DPP6: variants seen among roughly 807,000 people sequenced by gnomAD.
DPP6 encodes A-type potassium channel modulatory protein DPP6.
DPP6 carries 69 observed loss-of-function variants against 122.6 expected under a neutral mutation model. The observed-to-expected ratio is 0.56, with a 90% CI of 0.46 to 0.69. The LOEUF (loss-of-function observed/expected upper bound fraction) is 0.69, where lower values mean the gene tolerates loss of function less well. Ranked by LOEUF, DPP6 falls within the 30% of genes least tolerant of loss-of-function variation. The pLI, the probability that DPP6 is intolerant of heterozygous loss-of-function variation, is 0.00. For missense variants in DPP6, 928 were observed against 1,116.9 expected (o/e 0.83, Z 2.41); for synonymous variants, 418 against 433.1 (o/e 0.97, Z 0.43).
intron 3 of DPP6, among the ~76,000 whole-genome samples, chr7:154,522,534 C>T (rs1304856680): frequency 6.6e-6 from 1 of 152,124 alleles, no homozygotes; most frequent in Non-Finnish European, 1.5e-5. Flanking sequence ...TGGTTAAGCG[C>T]TTACTGGCAG....
intron 1 of DPP6, among the ~76,000 whole-genome samples, chr7:153,966,817 A>G (rs1795765538): frequency 1.3e-5 from 2 of 151,502 alleles, no homozygotes; most frequent in Admixed American, 1.3e-4. Flanking sequence ...CTGTAATCCC[A>G]GCACTTTGGG....
intron 16 of DPP6, among the ~76,000 whole-genome samples, chr7:154,834,480 GAAAAAC>G (rs10595720): frequency 0.78 from 117,047 of 149,800 alleles, 46,170 homozygotes; most frequent in East Asian, 0.99. Flanking sequence ...CCATCTCAAA[GAAAAAC>G]AAAAACAAAA....
intron 1 of DPP6, among the ~76,000 whole-genome samples, chr7:153,949,631 C>T (rs1003442573): frequency 6.6e-6 from 1 of 152,188 alleles, no homozygotes; most frequent in African/African-American, 2.4e-5. Flanking sequence ...CACCTAAACA[C>T]GAAAGCATTT....
intron 1 of DPP6, among the ~76,000 whole-genome samples, chr7:154,228,433 T>C (rs1292777941): frequency 6.6e-6 from 1 of 152,222 alleles, no homozygotes; most frequent in Non-Finnish European, 1.5e-5. Flanking sequence ...TAAAAGTAGC[T>C]GACACAAATT....
intron 5 of DPP6, among the ~76,000 whole-genome samples, chr7:154,622,847 C>T (rs1180951691): frequency 6.6e-6 from 1 of 152,194 alleles, no homozygotes; most frequent in Non-Finnish European, 1.5e-5. Context: ...CTGTTAGATT[C>T]CAGAACCTTC....
At chr7:154,304,639 C>T (rs1806135630) in intron 1 of DPP6, among the ~76,000 whole-genome samples, 1 of 151,820 alleles carries the variant, frequency 6.6e-6, no homozygotes. Flanking sequence ...GGTTGATTTT[C>T]TTAGAGAAAT....
chr7:154,352,229 C>T (rs1248356605), intron 1 of DPP6, among the ~76,000 whole-genome samples: 5 of 152,016 alleles, frequency 3.3e-5, no homozygotes, highest in African/African-American at 9.7e-5. Flanking sequence ...TTTGGGAGGC[C>T]GAGGTGGGCA....
At chr7:154,432,291 A>T (rs537272685) in intron 1 of DPP6, among the ~76,000 whole-genome samples, 1 of 152,198 alleles carries the variant, frequency 6.6e-6, no homozygotes, top group African/African-American at 2.4e-5. Context: ...TCATGCTGCT[A>T]TGTTACAAGA....
intron 1 of DPP6, among the ~76,000 whole-genome samples, chr7:153,902,267 A>C (rs977962134): frequency 6.6e-6 from 1 of 152,240 alleles, no homozygotes; most frequent in African/African-American, 2.4e-5. Context: ...CATTTGTCAA[A>C]TAGTTCATCC....
Position 154,637,887 on chromosome 7 carries a change from T to A in DPP6, c.680+14T>A. 6.4e-7 allele frequency: 1 copy of A among 1,561,998 alleles called. No homozygotes were observed. The highest frequency in any genetic ancestry group is 2.3e-5 in the East Asian group (1 of 42,924). On this transcript the variant is annotated intron_variant, in intron 6 of 25. Transcript: ENST00000377770. ...AATTCCTCATGGGTAAGAGTGTTCT[T>A]TTCTTTCTTTTAATTAGAAATATGC...
intron 1 of DPP6, among the ~76,000 whole-genome samples, chr7:154,443,940 C>A (rs1288797704): frequency 6.6e-6 from 1 of 152,130 alleles, no homozygotes; most frequent in Non-Finnish European, 1.5e-5. Flanking sequence ...CGGGGGACAA[C>A]CTAGTGACTT....
At chr7:154,127,662 C>CAG (rs1444258126) in intron 1 of DPP6, among the ~76,000 whole-genome samples, 3 of 149,106 alleles carry the variant, frequency 2.0e-5, no homozygotes, top group Admixed American at 6.7e-5. Flanking sequence ...GACACACACA[C>CAG]ACACACACAC....
At position 154,678,946 on chromosome 7, in the gene DPP6, C is replaced by G. The variant is rs116391538; in HGVS notation, c.762+9505C>G. Among the ~76,000 whole-genome samples, 777 of 152,300 alleles carry G rather than the reference C, an allele frequency of 5.1e-3. 8 individuals carry two copies. Among genetic ancestry groups the G allele is most frequent in the African/African-American group, 0.018 (734 of 41,568 alleles). On this transcript the variant is annotated intron_variant, in intron 7 of 25. Transcript: ENST00000377770. ...TGTGGAGCCTTGTGTAAATAACGTT[C>G]TCAATAAATGTCTTTGATTGTTGCT...
chr7:154,032,840 C>G (rs1202334159), intron 1 of DPP6, among the ~76,000 whole-genome samples: 4 of 150,036 alleles, frequency 2.7e-5, no homozygotes, highest in African/African-American at 9.8e-5. Flanking sequence ...GTCCGCACCC[C>G]CCACCGACCC....
At chr7:154,782,081 C>A (rs369910004) in intron 10 of DPP6, among the ~76,000 whole-genome samples, 3 of 152,220 alleles carry the variant, frequency 2.0e-5, no homozygotes, top group East Asian at 1.9e-4. Context: ...CCCACGTAAT[C>A]CATGGCAGTC....
Position 154,888,420 on chromosome 7 carries a change from G to A in DPP6, c.2304+686G>A, listed in dbSNP as rs190841748. Among the ~76,000 whole-genome samples the A allele has an allele frequency of 1.3e-3, 196 of 152,278 alleles. 1 individual carries two copies. Among genetic ancestry groups the A allele is most frequent in the African/African-American group, 4.5e-3 (185 of 41,566 alleles). ...TGAGCTCTTGACTGAGGAGCAGAAG[G>A]CCTCTCTGATGCGACCTCCTGAGTC... On this transcript the variant is annotated intron_variant, in intron 23 of 25. Coordinates refer to ENST00000377770, the MANE Select transcript of DPP6 (RefSeq NM_130797.4).
intron 1 of DPP6, among the ~76,000 whole-genome samples, chr7:154,234,522 G>A (rs1489799427): frequency 1.3e-5 from 2 of 152,002 alleles, no homozygotes; most frequent in East Asian, 3.9e-4. Flanking sequence ...TCTTATTTCT[G>A]GGTTTGGATC....
At chr7:154,745,343 T>G (rs565340474) in intron 8 of DPP6, among the ~76,000 whole-genome samples, 4 of 152,190 alleles carry the variant, frequency 2.6e-5, no homozygotes, top group Non-Finnish European at 5.9e-5. Context: ...AAATTCTCCT[T>G]TATAACAAAT....
intron 6 of DPP6, among the ~76,000 whole-genome samples, chr7:154,642,760 A>G (rs534214638): frequency 3.3e-5 from 5 of 152,014 alleles, no homozygotes; most frequent in Non-Finnish European, 7.4e-5. Flanking sequence ...GTGAAACCCC[A>G]TGTCTACTAA....
Sources: gnomAD v4.1 joint callset for allele counts (sites outside exome capture counted in the v4.1 genomes callset) on GRCh38, gnomAD v4.1.1 for gene constraint, MANE v1.5 for transcripts, NCBI Gene and HGNC (gene_info 2026-07-23, HGNC 2026-07-21) for gene names.